Variants in CIT observed in about 807,000 individuals in gnomAD.
CIT encodes citron Rho-interacting kinase.
CIT carries 79 observed loss-of-function variants against 272.7 expected under a neutral mutation model. The ratio of observed to expected loss-of-function variants is 0.29; its 90% CI spans 0.24 to 0.35. The LOEUF (loss-of-function observed/expected upper bound fraction) is 0.35, where lower values mean the gene tolerates loss of function less well. CIT is among the 10% of genes least tolerant of loss of function. The pLI, the probability that CIT is intolerant of heterozygous loss-of-function variation, is 1.00. For missense variants in CIT, 1,909 were observed against 2,618.3 expected (o/e 0.73, Z 5.91); for synonymous variants, 948 against 995.6 (o/e 0.95, Z 0.90).
rs1221310366 is a variant in CIT at position 119,770,240 on chromosome 12, C to T, written c.2208+545G>A. On this transcript the variant is annotated intron_variant, in intron 18 of 47. Coordinates refer to ENST00000392521, the MANE Select transcript of CIT (RefSeq NM_001206999.2). This position sits in a 1 kb window ranked among gnomAD's most constrained non-coding sequence, Gnocchi z 4.4. The stretch of plus-strand genomic sequence containing the variant: ...ACTACAGACCCTAAAAAAAGACCTG[C>T]TATATCTAAGGAAATTGAAAAAATA... Among the ~76,000 whole-genome samples the T allele has an allele frequency of 6.6e-6, 1 of 152,014 alleles. No homozygotes were observed. The highest frequency in any genetic ancestry group is 1.5e-5 in the Non-Finnish European group (1 of 67,976).
rs1593407710 is a variant in CIT, at chr12:119,705,180, T to C, written c.5212-725A>G. ...CGCCTGCCTCGGCCTCCCAAAGTGC[T>C]GGGATTACAAGTGTGAACCACCACA... is the stretch of plus-strand genomic sequence containing the variant. On this transcript the variant is annotated intron_variant, in intron 40 of 47. Coordinates refer to ENST00000392521, the MANE Select transcript of CIT (RefSeq NM_001206999.2). 4.6e-5 allele frequency among the ~76,000 whole-genome samples: 7 copies of C among 152,338 alleles called. No homozygotes were observed. In the East Asian group the frequency reaches 1.4e-3, roughly 29 times the overall value.
intron 28 of CIT, among the ~76,000 whole-genome samples, chr12:119,723,532 T>C (rs1484089753): frequency 6.6e-6 from 1 of 151,998 alleles, no homozygotes; most frequent in African/African-American, 2.4e-5. Flanking sequence ...AGGGGGATCT[T>C]AGCTGTGTGT....
chr12:119,751,956 A>T, intron 23 of CIT, 94 bp downstream of exon 23: 1 of 1,137,712 alleles, frequency 8.8e-7, no homozygotes, highest in East Asian at 2.6e-5. Flanking sequence ...CCCTCCTGGA[A>T]TTTCTAAGGG....
chr12:119,726,385 A>ATAT (rs1958106057), intron 28 of CIT, among the ~76,000 whole-genome samples: 1 of 101,418 alleles, frequency 9.9e-6, no homozygotes, highest in Admixed American at 1.1e-4. Flanking sequence ...CACTTGGCTA[A>ATAT]TTTTTTTTTT....
At chr12:119,778,657 C>T (rs1306253417) in intron 13 of CIT, among the ~76,000 whole-genome samples, 1 of 151,890 alleles carries the variant, frequency 6.6e-6, no homozygotes, top group Non-Finnish European at 1.5e-5. Flanking sequence ...CCCCCCAGAG[C>T]ATATTAAAGG....
chr12:119,824,367 T>C (rs1417674418), intron 8 of CIT, among the ~76,000 whole-genome samples: 3 of 152,124 alleles, frequency 2.0e-5, no homozygotes, highest in Non-Finnish European at 2.9e-5. Flanking sequence ...ACAAGGTTGT[T>C]TGAAGATTAA....
In CIT at chr12:119,700,707, C is replaced by T. The variant is rs770424772; in HGVS notation, c.5623+38G>A. The T allele has an allele frequency of 2.0e-6, 3 of 1,537,118 alleles. No homozygotes were observed. In the East Asian group the frequency reaches 6.8e-5, roughly 35 times the overall value. ...CAATTCTTTTCCAGGACACCAGCTGCTGGCAAAAGAGAAGCCCCCACACTG... is the reference window on the plus strand; with the variant it reads ...CAATTCTTTTCCAGGACACCAGCTGTTGGCAAAAGAGAAGCCCCCACACTG... On this transcript the variant is annotated intron_variant, in intron 44 of 47. Transcript: ENST00000392521.
At chr12:119,847,115 G>A (rs564042669) in intron 5 of CIT, among the ~76,000 whole-genome samples, 113 of 152,122 alleles carry the variant, frequency 7.4e-4, no homozygotes, top group African/African-American at 2.5e-3. Flanking sequence ...CTCCCGAGTA[G>A]CTGGGACTAC....
chr12:119,787,115 C>T (rs112442842), intron 10 of CIT, among the ~76,000 whole-genome samples: 3,591 of 152,118 alleles, frequency 0.024, 133 homozygotes, highest in African/African-American at 0.083. Context: ...CAGGCACGCA[C>T]CACCACACCC....
At chr12:119,811,192 G>A (rs979632103) in intron 9 of CIT, among the ~76,000 whole-genome samples, 1 of 152,124 alleles carries the variant, frequency 6.6e-6, no homozygotes, top group Non-Finnish European at 1.5e-5. Context: ...CGGGTGTGGT[G>A]ATGCACATGG....
chr12:119,802,707 T>C (rs1966299452), intron 10 of CIT, among the ~76,000 whole-genome samples: 1 of 152,214 alleles, frequency 6.6e-6, no homozygotes, highest in Admixed American at 6.5e-5. Flanking sequence ...GTTAGAGCTC[T>C]GGTTCAGCCA....
At chr12:119,789,339 C>G (rs896438637) in intron 10 of CIT, among the ~76,000 whole-genome samples, 1 of 152,166 alleles carries the variant, frequency 6.6e-6, no homozygotes, top group Non-Finnish European at 1.5e-5. Flanking sequence ...CCATTTGGTA[C>G]TGGTGCCTTT....
At chr12:119,803,473 A>G in intron 9 of CIT, 84 bp from the exon 10 acceptor site, 2 of 1,024,140 alleles carry the variant, frequency 2.0e-6, no homozygotes, top group Non-Finnish European at 2.8e-6. Flanking sequence ...AGATCGTCTT[A>G]CTCCTTCGGC....
In CIT at chr12:119,825,466, A is replaced by G; in HGVS notation, c.754-98T>C. 4 of 1,101,276 alleles carry G rather than the reference A, an allele frequency of 3.6e-6. No individual in the cohort carries two copies. The East Asian group carries it at 9.6e-5, about 27-fold the overall frequency. 68.2% of individuals were successfully genotyped at this position (1,101,276 alleles called of 1,614,324 possible). On this transcript the variant is annotated intron_variant, in intron 7 of 47. Coordinates refer to ENST00000392521, the MANE Select transcript of CIT (RefSeq NM_001206999.2). ...TCAGACACAAGCTGATTTGCCACTG[A>G]TTACTATTCTCCCAGGCACTTAAAC...
rs959879547 is a variant in CIT, at chr12:119,770,022, G to A, written c.2208+763C>T. Among the ~76,000 whole-genome samples the A allele has an allele frequency of 1.1e-4, 16 of 152,280 alleles. No individual in the cohort carries two copies. Among genetic ancestry groups the A allele is most frequent in the Non-Finnish European group, 2.2e-4 (15 of 68,022 alleles). On this transcript the variant is annotated intron_variant, in intron 18 of 47. Coordinates refer to ENST00000392521, the MANE Select transcript of CIT (RefSeq NM_001206999.2). This position sits in a 1 kb window ranked among gnomAD's most constrained non-coding sequence, Gnocchi z 4.4. ...CTCTCTCCCAGGTGGGATAGGAATGGACTCCAAGTCATCCTTGAGTCTCAA... is the reference window on the plus strand; with the variant it reads ...CTCTCTCCCAGGTGGGATAGGAATGAACTCCAAGTCATCCTTGAGTCTCAA...
At chr12:119,796,548 G>T (rs941785904) in intron 10 of CIT, among the ~76,000 whole-genome samples, 1 of 152,196 alleles carries the variant, frequency 6.6e-6, no homozygotes, top group Non-Finnish European at 1.5e-5. Context: ...CTAGCACCTA[G>T]TGGCTTACTG....
intron 9 of CIT, among the ~76,000 whole-genome samples, chr12:119,816,361 G>A (rs761426765): frequency 6.6e-6 from 1 of 152,048 alleles, no homozygotes; most frequent in Non-Finnish European, 1.5e-5. Context: ...CTCAAAGCAA[G>A]GCCTAAAACC....
chr12:119,714,163 G>T (rs751859553), intron 33 of CIT, 34 bp downstream of exon 33: 2 of 1,608,334 alleles, frequency 1.2e-6, no homozygotes, highest in South Asian at 1.1e-5. Context: ...AGATGCACAG[G>T]TGCCCAGCAC....
At chr12:119,799,112 C>A (rs1345008256) in intron 10 of CIT, among the ~76,000 whole-genome samples, 1 of 152,124 alleles carries the variant, frequency 6.6e-6, no homozygotes, top group Admixed American at 6.5e-5. Context: ...GTGTCTCTAG[C>A]AGAAAAGTCC....
Sources: allele counts gnomAD v4.1 joint callset (sites outside exome capture counted in the v4.1 genomes callset), GRCh38; gene constraint gnomAD v4.1.1; non-coding constraint Gnocchi (gnomAD v3.1); transcripts MANE v1.5; gene names NCBI Gene and HGNC (gene_info 2026-07-23, HGNC 2026-07-21).